Variants in DLGAP2 observed in about 807,000 individuals in gnomAD.
DLGAP2 encodes DLG associated protein 2, also known as disks large-associated protein 2.
Under a neutral mutation model 100.3 loss-of-function variants are expected in DLGAP2, and 26 were observed. The observed-to-expected ratio is 0.26, with a 90% CI of 0.19 to 0.36. The LOEUF (loss-of-function observed/expected upper bound fraction) is 0.36, where lower values mean the gene tolerates loss of function less well. Among genes scored for constraint, DLGAP2 ranks in the 10% least tolerant of loss-of-function variants. The pLI is 1.00. For missense variants in DLGAP2, 1,858 were observed against 1,453.2 expected (o/e 1.28, Z -4.53); for synonymous variants, 886 against 630.1 (o/e 1.41, Z -6.08).
At chr8:1,658,021 G>A (rs1467635596) in intron 8 of DLGAP2, among the ~76,000 whole-genome samples, 1 of 152,100 alleles carries the variant, frequency 6.6e-6, no homozygotes, top group African/African-American at 2.4e-5. Context: ...GAATGCAATC[G>A]GTTCTGTACA....
intron 3 of DLGAP2, among the ~76,000 whole-genome samples, chr8:1,329,991 C>G (rs761342162): frequency 1.3e-5 from 2 of 152,252 alleles, no homozygotes; most frequent in Non-Finnish European, 2.9e-5. Flanking sequence ...GTGGCTGGGA[C>G]TGAGTGAGCT....
intron 1 of DLGAP2, among the ~76,000 whole-genome samples, chr8:886,384 G>A (rs1384110548): frequency 1.3e-5 from 2 of 151,444 alleles, no homozygotes; most frequent in Non-Finnish European, 2.9e-5. Flanking sequence ...ATTCTTCTCC[G>A]ATGTTAGTTA....
chr8:1,533,489 G>A (rs1294721290), intron 4 of DLGAP2, among the ~76,000 whole-genome samples: 1 of 151,640 alleles, frequency 6.6e-6, no homozygotes, highest in Non-Finnish European at 1.5e-5. Flanking sequence ...CTGGGCGAAA[G>A]AGTGAGACTC....
chr8:1,136,218 TA>T (rs1796407999), intron 2 of DLGAP2, among the ~76,000 whole-genome samples: 1 of 152,042 alleles, frequency 6.6e-6, no homozygotes, highest in Admixed American at 6.5e-5. Context: ...TCTGCTCCCT[TA>T]GGCACATGAG....
At chr8:1,167,050 C>G (rs115851325) in intron 2 of DLGAP2, among the ~76,000 whole-genome samples, 1 of 151,930 alleles carries the variant, frequency 6.6e-6, no homozygotes, top group Admixed American at 6.6e-5. Context: ...GTGGGAGGAT[C>G]GCTTGAGCCC....
chr8:913,762 A>G (rs1798536168), intron 2 of DLGAP2, among the ~76,000 whole-genome samples: 1 of 152,232 alleles, frequency 6.6e-6, no homozygotes, highest in Non-Finnish European at 1.5e-5. Context: ...GGTTTGCGCT[A>G]AGTCAGTATG....
At chr8:1,527,302 C>A (rs1025368469) in intron 4 of DLGAP2, among the ~76,000 whole-genome samples, 2 of 152,270 alleles carry the variant, frequency 1.3e-5, no homozygotes, top group Admixed American at 6.5e-5. Flanking sequence ...ATCCACCCGG[C>A]TCCAGCCAGA....
At chr8:1,201,569 C>T (rs529842689) in intron 2 of DLGAP2, among the ~76,000 whole-genome samples, 5 of 152,352 alleles carry the variant, frequency 3.3e-5, no homozygotes, top group South Asian at 4.1e-4. Context: ...TCGCTTTAGA[C>T]ACCCAGTGTG....
intron 1 of DLGAP2, among the ~76,000 whole-genome samples, chr8:791,265 A>G (rs571150876): frequency 6.6e-6 from 1 of 152,240 alleles, no homozygotes. Context: ...GAGTGAATGA[A>G]CCTCACTTCC....
At chr8:1,317,512 G>A (rs369676966) in intron 3 of DLGAP2, among the ~76,000 whole-genome samples, 5 of 122,266 alleles carry the variant, frequency 4.1e-5, no homozygotes, top group Admixed American at 2.4e-4. Flanking sequence ...ACTTGGCAGC[G>A]TTTAAAAATA....
chr8:1,422,394 C>T (rs751043097), intron 3 of DLGAP2, among the ~76,000 whole-genome samples: 1 of 152,068 alleles, frequency 6.6e-6, no homozygotes, highest in Non-Finnish European at 1.5e-5. Flanking sequence ...CTTAATGACA[C>T]GCTTGTGTAT....
At chr8:1,186,972 C>G (rs533944642) in intron 2 of DLGAP2, among the ~76,000 whole-genome samples, 1 of 152,322 alleles carries the variant, frequency 6.6e-6, no homozygotes, top group Admixed American at 6.5e-5. Context: ...CCACATGTTT[C>G]CATCACACCC....
chr8:845,434 A>T (rs1323656689), intron 1 of DLGAP2, among the ~76,000 whole-genome samples: 1 of 152,190 alleles, frequency 6.6e-6, no homozygotes, highest in East Asian at 1.9e-4. Flanking sequence ...ACATCTTTCC[A>T]TGTGCTTGTT....
At chr8:1,662,458 G>C (rs183143020) in intron 8 of DLGAP2, among the ~76,000 whole-genome samples, 4 of 152,158 alleles carry the variant, frequency 2.6e-5, no homozygotes, top group Non-Finnish European at 4.4e-5. Flanking sequence ...GGATTCTGAC[G>C]TGCACTCTTG....
intron 1 of DLGAP2, among the ~76,000 whole-genome samples, chr8:891,891 C>T (rs753604742): frequency 3.3e-5 from 5 of 152,132 alleles, no homozygotes; most frequent in South Asian, 2.1e-4. Flanking sequence ...GCAGGGAAGC[C>T]GGGCTAGTGA....
At chr8:1,320,389 G>A (rs1461303431) in intron 3 of DLGAP2, among the ~76,000 whole-genome samples, 1 of 152,082 alleles carries the variant, frequency 6.6e-6, no homozygotes, top group Admixed American at 6.6e-5. Context: ...CTGAACCCTG[G>A]AGCCGGACCG....
In DLGAP2 at chr8:1,276,366, G is replaced by A. The variant is rs150341539; in HGVS notation, c.106+17483G>A. Among the ~76,000 whole-genome samples the A allele has an allele frequency of 7.6e-4, 115 of 152,002 alleles. 1 individual carries two copies. In the South Asian group the frequency reaches 0.014, roughly 19 times the overall value. On this transcript the variant is annotated intron_variant, in intron 3 of 14. Coordinates refer to ENST00000637795, the MANE Select transcript of DLGAP2 (RefSeq NM_001346810.2). ...TTCACTTGGAATGTAGATTCGCGTC[G>A]GGCACTATCAGATGGAACCGTTTTG...
intron 1 of DLGAP2, among the ~76,000 whole-genome samples, chr8:820,580 A>G (rs1796565549): frequency 6.6e-6 from 1 of 152,266 alleles, no homozygotes; most frequent in Non-Finnish European, 1.5e-5. Context: ...CCCAGACTCT[A>G]GGAAAACAGT....
At chr8:1,466,537 G>C (rs73672726) in intron 3 of DLGAP2, among the ~76,000 whole-genome samples, 134 of 149,466 alleles carry the variant, frequency 9.0e-4, no homozygotes, top group African/African-American at 3.1e-3. Context: ...GTGTGTGTGT[G>C]TGTGTGTATG....
Sources: gnomAD v4.1 joint callset for allele counts (sites outside exome capture counted in the v4.1 genomes callset) on GRCh38, gnomAD v4.1.1 for gene constraint, MANE v1.5 for transcripts, NCBI Gene and HGNC (gene_info 2026-07-23, HGNC 2026-07-21) for gene names.